Variants in SGCA observed in about 807,000 individuals in gnomAD.
SGCA encodes the protein alpha-sarcoglycan.
In SGCA, 34 loss-of-function variants were observed where a neutral mutation model predicts 38.1. The observed-to-expected ratio is 0.89, with a 90% CI of 0.68 to 1.19. SGCA has a LOEUF of 1.19. SGCA is among the 50% of genes most tolerant of loss of function. The pLI, the probability that SGCA is intolerant of heterozygous loss-of-function variation, is 0.00. For synonymous variants in SGCA, 209 were observed against 214.6 expected (o/e 0.97, Z 0.23); for missense variants, 476 against 524.9 (o/e 0.91, Z 0.91).
rs756091736 is a variant in SGCA at position 50,167,318 on chromosome 17, C to T, written c.38-50C>T. On this transcript the variant is annotated intron_variant, in intron 1 of 9. Coordinates refer to ENST00000262018, the MANE Select transcript of SGCA (RefSeq NM_000023.4). This position sits in a 1 kb window ranked among gnomAD's most constrained non-coding sequence, Gnocchi z 4.5. The stretch of plus-strand genomic sequence containing the variant: ...GGTGGGGAAGGGAGCTTATCCCCTG[C>T]CCAGGACTGAGGCTGGCCTGTGTGT... 88 of 1,613,246 alleles carry T rather than the reference C, an allele frequency of 5.5e-5. No homozygotes were observed. Among genetic ancestry groups the T allele is most frequent in the Non-Finnish European group, 7.1e-5 (84 of 1,179,842 alleles).
In SGCA at chr17:50,169,176, C is replaced by T; in HGVS notation, c.669C>T (p.Ala223=). 4 of 1,613,914 alleles carry T rather than the reference C, an allele frequency of 2.5e-6. No individual in the cohort carries two copies. The highest frequency in any genetic ancestry group is 2.5e-6 in the Non-Finnish European group (3 of 1,179,998). ...VASPDSHARC[A]QGQPPLLSCY... is the part of the protein sequence containing the mutation. ...CCCCCGATAGCCACGCCCGCTGTGC[C>T]CAGGGCCAGCCTCCACTTCTGTCTT... Residue 223 remains alanine, a synonymous_variant, in exon 6 of 10, where the codon GCC becomes GCT. Coordinates refer to ENST00000262018, the MANE Select transcript of SGCA (RefSeq NM_000023.4).
At chr17:50,169,378 A>T (rs776514178) in intron 6 of SGCA, 124 bp downstream of exon 6, 60 of 741,500 alleles carry the variant, frequency 8.1e-5, no homozygotes, top group Non-Finnish European at 1.2e-4. Context: ...TCTTTCCCTG[A>T]TGCTCTCAGT....
At chr17:50,166,972 T>C (rs1458583104) in intron 1 of SGCA, among the ~76,000 whole-genome samples, 1 of 81,526 alleles carries the variant, frequency 1.2e-5, no homozygotes, top group Non-Finnish European at 2.4e-5. Flanking sequence ...CACACTCACT[T>C]GCACACACAC....
At chr17:50,169,794 C>T in intron 6 of SGCA, 1 of 427,330 alleles carries the variant, frequency 2.3e-6, no homozygotes, top group Non-Finnish European at 4.4e-6. Flanking sequence ...TCAGGGTCCA[C>T]AGCCAGCGAC....
chr17:50,172,029 T>C (rs747800992), intron 8 of SGCA: 3 of 456,116 alleles, frequency 6.6e-6, no homozygotes, highest in South Asian at 4.6e-5. Context: ...TCTGCTTCTC[T>C]CCCTGGGGTA....
intron 8 of SGCA, among the ~76,000 whole-genome samples, chr17:50,174,677 C>A (rs2586479): frequency 0.91 from 138,038 of 152,130 alleles, 63,179 homozygotes; most frequent in East Asian, 0.99. Context: ...TCCATTTGGC[C>A]GTTGAGCAAA....
At position 50,166,109 on chromosome 17, in the gene SGCA, C is replaced by A. The variant is rs371445704; in HGVS notation, c.37+32C>A. Reference sequence around the variant, plus strand: ...TGGGGCCTTGTTCAGCGGGGAGGCCCAGGATGAGGGGGCAGGATTTAGGGG... The same window carrying A: ...TGGGGCCTTGTTCAGCGGGGAGGCCAAGGATGAGGGGGCAGGATTTAGGGG... On this transcript the variant is annotated intron_variant, in intron 1 of 9. Transcript: ENST00000262018. 3.2e-6 allele frequency: 5 copies of A among 1,584,310 alleles called. No homozygotes were observed. In the South Asian group the frequency reaches 4.4e-5, roughly 14 times the overall value.
At position 50,167,017 on chromosome 17, in the gene SGCA, C is replaced by T. The variant is rs1376044770; in HGVS notation, c.38-351C>T. 5.8e-5 allele frequency among the ~76,000 whole-genome samples: 8 copies of T among 138,712 alleles called. No individual in the cohort carries two copies. Among genetic ancestry groups the T allele is most frequent in the Non-Finnish European group, 1.1e-4 (7 of 63,688 alleles). The allele number at this position is 138,712 out of a possible 152,430, so 91.0% of individuals were successfully genotyped here. A position where few individuals can be genotyped will look rare whatever the true frequency, so the allele number is the denominator to read the frequency against. On this transcript the variant is annotated intron_variant, in intron 1 of 9. Coordinates refer to ENST00000262018, the MANE Select transcript of SGCA (RefSeq NM_000023.4). The surrounding 1 kb of genome is among the most constrained non-coding windows in gnomAD (Gnocchi z 4.5). ...CATCCTCACAGACCCTCACACATAC[C>T]TTCACACACACACCCCCCCACATCC...
chr17:50,175,854 G>C lies in SGCA; in HGVS notation c.*155G>C. 1 of 470,584 alleles carries C rather than the reference G, an allele frequency of 2.1e-6. No homozygotes were observed. The highest frequency in any genetic ancestry group is 4.2e-6 in the Non-Finnish European group (1 of 236,826). The allele number at this position is 470,584 out of a possible 1,614,324, so 29.2% of individuals were successfully genotyped here. On this transcript the variant is annotated 3_prime_UTR_variant, in exon 10 of 10. Coordinates refer to ENST00000262018, the MANE Select transcript of SGCA (RefSeq NM_000023.4). ...GGAGAGGGGGTGGGGTGGGGTGAGA[G>C]TGTGTGGAGTAAGGACATTCAGAAT...
rs756912039 is a variant in SGCA at position 50,175,364 on chromosome 17, A to G, written c.1091A>G (p.Asn364Ser). ...PRPLSTLPMF[N>S]VHTGERLPPR... is the part of the protein sequence containing the mutation. ...CCACTCTCCACCCTGCCCATGTTCA[A>G]TGTGCACACAGGTGAGCGGCTGCCT... Residue 364 changes from asparagine to serine, a missense_variant, in exon 9 of 10, where the codon AAT (asparagine) becomes AGT (serine). By Grantham distance (46) the Asn-to-Ser change is conservative. Coordinates refer to ENST00000262018, the MANE Select transcript of SGCA (RefSeq NM_000023.4). 1.3e-5 allele frequency: 21 copies of G among 1,612,780 alleles called. No individual in the cohort carries two copies. Among genetic ancestry groups the G allele is most frequent in the African/African-American group, 1.2e-4 (9 of 74,940 alleles).
chr17:50,168,977 C>A, intron 5 of SGCA, 115 bp from the exon 6 acceptor site: 1 of 960,598 alleles, frequency 1.0e-6, no homozygotes, highest in Non-Finnish European at 1.7e-6. Context: ...GCGTCTCCCT[C>A]ATCCCATCCC....
At position 50,167,393 on chromosome 17, in the gene SGCA, C is replaced by T. The variant is rs775361706; in HGVS notation, c.63C>T (p.Thr21=). The T allele has an allele frequency of 1.1e-5, 18 of 1,613,998 alleles. No homozygotes were observed. The highest frequency in any genetic ancestry group is 6.6e-5 in the South Asian group (6 of 91,084). ...TTCTCCTGGCAGGGCTGGGGGACAC[C>T]GAGGCCCAGCAGACCACGCTACACC... ...LVVLLAGLGD[T]EAQQTTLHPL... The change falls in exon 2 of 10, where the codon ACC becomes ACT. Residue 21 remains threonine (T), a synonymous_variant. Transcript: ENST00000262018. The surrounding 1 kb of genome is among the most constrained non-coding windows in gnomAD (Gnocchi z 4.5).
Position 50,167,609 on chromosome 17 carries a change from A to G in SGCA, c.185A>G (p.Tyr62Cys). The G allele has an allele frequency of 1.9e-6, 3 of 1,613,404 alleles. No individual in the cohort carries two copies. The highest frequency in any genetic ancestry group is 2.5e-6 in the Non-Finnish European group (3 of 1,179,926). Residue 62 changes from tyrosine to cysteine, a missense_variant, in exon 3 of 10, where the codon TAC becomes TGC. Physicochemically the swap from Tyr to Cys is radical, Grantham distance 194. Coordinates refer to ENST00000262018, the MANE Select transcript of SGCA (RefSeq NM_000023.4). This position sits in a 1 kb window ranked among gnomAD's most constrained non-coding sequence, Gnocchi z 4.5. ...VAVPPAVHIT[Y>C]HAHLQGHPDL... The stretch of plus-strand genomic sequence containing the variant: ...GTCCCACCCGCTGTCCACATCACCT[A>G]CCACGCCCACCTCCAGGGACACCCA...
intron 8 of SGCA, among the ~76,000 whole-genome samples, chr17:50,171,164 TGA>T (rs1250969874): frequency 6.6e-6 from 1 of 152,216 alleles, no homozygotes; most frequent in African/African-American, 2.4e-5. Flanking sequence ...AGTATCAGTA[TGA>T]GTCAGACACC....
intron 8 of SGCA, among the ~76,000 whole-genome samples, chr17:50,174,043 G>A (rs549891823): frequency 1.6e-4 from 24 of 152,326 alleles, no homozygotes; most frequent in African/African-American, 4.8e-4. Context: ...TCTTGGCTGG[G>A]TGCAGTGGCT....
At chr17:50,171,818 G>T in intron 8 of SGCA, 1 of 456,776 alleles carries the variant, frequency 2.2e-6, no homozygotes, top group South Asian at 1.5e-5. Flanking sequence ...CTTCTTCAGG[G>T]TGGCCAGGGA....
intron 7 of SGCA, 91 bp downstream of exon 7, chr17:50,170,442 AC>A: frequency 7.0e-7 from 1 of 1,420,138 alleles, no homozygotes; most frequent in Non-Finnish European, 9.8e-7. Flanking sequence ...GGACCCAGAC[AC>A]CATGGGAATG....
chr17:50,167,654 G>T lies in SGCA; in HGVS notation c.230G>T (p.Arg77Leu). Residue 77 changes from arginine (R) to leucine (L), a missense_variant, in exon 3 of 10, where the codon CGC (arginine) becomes CTC (leucine). By Grantham distance (102) the Arg-to-Leu change is moderately radical. Transcript: ENST00000262018. This position sits in a 1 kb window ranked among gnomAD's most constrained non-coding sequence, Gnocchi z 4.5. ...QGHPDLPRWL[R>L]YTQRSPHHPG... ...CACCCAGACCTGCCCCGGTGGCTCC[G>T]CTACACCCAGCGCAGCCCCCACCAC... 1 of 1,613,782 alleles carries T rather than the reference G, an allele frequency of 6.2e-7. No individual in the cohort carries two copies. Among genetic ancestry groups the T allele is most frequent in the East Asian group, 2.2e-5 (1 of 44,872 alleles).
intron 4 of SGCA, 88 bp downstream of exon 4, chr17:50,168,107 G>A: frequency 7.8e-7 from 1 of 1,279,832 alleles, no homozygotes; most frequent in Admixed American, 1.7e-5. Flanking sequence ...GGACAGGAGA[G>A]GCTTGGAGAG....
Sources: gnomAD v4.1 joint callset for allele counts (sites outside exome capture counted in the v4.1 genomes callset) on GRCh38, gnomAD v4.1.1 for gene constraint, Gnocchi (gnomAD v3.1) non-coding constraint, MANE v1.5 for transcripts, NCBI Gene and HGNC (gene_info 2026-07-23, HGNC 2026-07-21) for gene names.